NRXN1: variants seen among roughly 807,000 people sequenced by gnomAD.
NRXN1 encodes the protein neurexin-1.
Under a neutral mutation model 150.9 loss-of-function variants are expected in NRXN1, and 39 were observed. The ratio of observed to expected loss-of-function variants is 0.26; its 90% CI spans 0.20 to 0.34. The LOEUF (loss-of-function observed/expected upper bound fraction) is 0.34, where lower values mean the gene tolerates loss of function less well. Ranked by LOEUF, NRXN1 falls within the 10% of genes least tolerant of loss-of-function variation. The probability of loss-of-function intolerance (pLI) is 1.00; values close to 1 mark genes in which losing one functional copy is unlikely to be tolerated. For missense variants in NRXN1, 1,815 were observed against 1,949.9 expected (o/e 0.93, Z 1.30); for synonymous variants, 924 against 757.0 (o/e 1.22, Z -3.62).
intron 2 of NRXN1, among the ~76,000 whole-genome samples, chr2:50,929,976 G>A (rs915999465): frequency 2.6e-5 from 4 of 152,052 alleles, no homozygotes; most frequent in Non-Finnish European, 4.4e-5. Context: ...GAACCAAGAC[G>A]ATGTTCAAAG....
intron 17 of NRXN1, among the ~76,000 whole-genome samples, chr2:50,306,517 G>T (rs753200521): frequency 6.6e-6 from 1 of 152,188 alleles, no homozygotes; most frequent in Non-Finnish European, 1.5e-5. Context: ...TTTCACAGCT[G>T]ACTTGAGCTC....
At chr2:50,338,445 ATC>A (rs2077330145) in intron 17 of NRXN1, among the ~76,000 whole-genome samples, 1 of 152,188 alleles carries the variant, frequency 6.6e-6, no homozygotes, top group South Asian at 2.1e-4. Flanking sequence ...AGAAGGTTCA[ATC>A]TCTACGTACA....
At chr2:50,447,784 A>C (rs1037189803) in intron 17 of NRXN1, among the ~76,000 whole-genome samples, 2 of 70,034 alleles carry the variant, frequency 2.9e-5, no homozygotes, top group Admixed American at 3.2e-4. Context: ...TATATACCTA[A>C]TTCCCTAAAT....
chr2:50,173,982 G>T (rs1030011212), intron 18 of NRXN1, among the ~76,000 whole-genome samples: 6 of 152,002 alleles, frequency 3.9e-5, no homozygotes, highest in Admixed American at 2.0e-4. Context: ...TTCTTCAGAT[G>T]ATGGATCCTA....
At chr2:50,895,005 G>A (rs1411398863) in intron 5 of NRXN1, among the ~76,000 whole-genome samples, 3 of 152,042 alleles carry the variant, frequency 2.0e-5, no homozygotes, top group Non-Finnish European at 2.9e-5. Context: ...AATTACTACT[G>A]CTTTTCAAGA....
intron 5 of NRXN1, among the ~76,000 whole-genome samples, chr2:50,880,687 C>T (rs1026777647): frequency 2.6e-5 from 4 of 151,912 alleles, no homozygotes; most frequent in Admixed American, 1.3e-4. Flanking sequence ...TTTTGTCTTG[C>T]TTTCAGAATA....
At chr2:50,010,601 G>A (rs1685492727) in intron 21 of NRXN1, among the ~76,000 whole-genome samples, 1 of 152,074 alleles carries the variant, frequency 6.6e-6, no homozygotes. Flanking sequence ...TCTCAGGAGT[G>A]CAGAGACTCA....
intron 5 of NRXN1, among the ~76,000 whole-genome samples, chr2:50,701,209 A>G (rs771248342): frequency 1.3e-5 from 2 of 152,178 alleles, no homozygotes; most frequent in Non-Finnish European, 2.9e-5. Flanking sequence ...ATAAAAATAT[A>G]CAGAGAAAAG....
At chr2:51,018,448 T>A (rs1383790143) in intron 2 of NRXN1, among the ~76,000 whole-genome samples, 3 of 152,100 alleles carry the variant, frequency 2.0e-5, no homozygotes, top group African/African-American at 7.2e-5. Flanking sequence ...TCCTCCCACT[T>A]CTTTCCAATA....
At chr2:50,213,736 A>G (rs1371458647) in intron 18 of NRXN1, among the ~76,000 whole-genome samples, 1 of 151,896 alleles carries the variant, frequency 6.6e-6, no homozygotes, top group Non-Finnish European at 1.5e-5. Context: ...CTAACCAAGA[A>G]TTCTAATCAC....
chr2:50,763,697 T>G (rs1048363586), intron 5 of NRXN1, among the ~76,000 whole-genome samples: 1 of 151,906 alleles, frequency 6.6e-6, no homozygotes, highest in African/African-American at 2.4e-5. Context: ...TATTCCACTT[T>G]TGCCTTGTAA....
chr2:50,136,483 G>A (rs938413383), intron 18 of NRXN1, among the ~76,000 whole-genome samples: 1 of 152,024 alleles, frequency 6.6e-6, no homozygotes, highest in African/African-American at 2.4e-5. Context: ...AAATAATTTT[G>A]TCTCTAATAT....
chr2:50,267,944 A>G (rs1243614741), intron 17 of NRXN1, among the ~76,000 whole-genome samples: 1 of 152,016 alleles, frequency 6.6e-6, no homozygotes, highest in African/African-American at 2.4e-5. Flanking sequence ...AATCCTAGCA[A>G]TTTGGGAGGC....
At chr2:50,561,502 C>A (rs183928537) in intron 8 of NRXN1, among the ~76,000 whole-genome samples, 6 of 152,312 alleles carry the variant, frequency 3.9e-5, no homozygotes, top group Non-Finnish European at 8.8e-5. Context: ...TGGCATCAAT[C>A]TCTGATCAAA....
intron 19 of NRXN1, among the ~76,000 whole-genome samples, chr2:50,065,965 C>A (rs1418899428): frequency 6.6e-6 from 1 of 152,134 alleles, no homozygotes; most frequent in Non-Finnish European, 1.5e-5. Context: ...TTCCTTCTTG[C>A]CTATTTCTTA....
At chr2:50,116,678 G>A (rs1345934203) in intron 18 of NRXN1, among the ~76,000 whole-genome samples, 1 of 151,978 alleles carries the variant, frequency 6.6e-6, no homozygotes, top group Non-Finnish European at 1.5e-5. Flanking sequence ...CTTCTTCTGA[G>A]GAATAGGCAA....
At chr2:50,125,390 TC>T (rs1704432382) in intron 18 of NRXN1, among the ~76,000 whole-genome samples, 1 of 152,128 alleles carries the variant, frequency 6.6e-6, no homozygotes, top group Admixed American at 6.6e-5. Context: ...TCCAGAGTTT[TC>T]CCTCTTATGT....
intron 2 of NRXN1, among the ~76,000 whole-genome samples, chr2:51,008,056 G>C (rs1667297392): frequency 6.6e-6 from 1 of 151,920 alleles, no homozygotes; most frequent in Non-Finnish European, 1.5e-5. Context: ...TTTGCCTACA[G>C]TCTTCCTATA....
At chr2:50,869,713 T>C (rs1405590796) in intron 5 of NRXN1, among the ~76,000 whole-genome samples, 1 of 151,852 alleles carries the variant, frequency 6.6e-6, no homozygotes, top group Non-Finnish European at 1.5e-5. Flanking sequence ...GGTAGTTATG[T>C]CACTAGATTT....
Sources: allele counts gnomAD v4.1 joint callset (sites outside exome capture counted in the v4.1 genomes callset), GRCh38; gene constraint gnomAD v4.1.1; transcripts MANE v1.5; gene names NCBI Gene and HGNC (gene_info 2026-07-23, HGNC 2026-07-21).